FUBP3: variants seen among roughly 807,000 people sequenced by gnomAD.
FUBP3 encodes the protein far upstream element-binding protein 3.
A neutral mutation model predicts 85.6 loss-of-function variants in FUBP3; 28 were observed. That is an observed-to-expected ratio of 0.33 (90% CI 0.24 to 0.45). The LOEUF is 0.45. FUBP3 is among the 20% of genes least tolerant of loss of function. The pLI, the probability that FUBP3 is intolerant of heterozygous loss-of-function variation, is 1.00. For missense variants in FUBP3, 583 were observed against 755.1 expected, an observed-to-expected ratio of 0.77 and a Z score of 2.67; for synonymous variants, 271 against 271.4, an observed-to-expected ratio of 1.00 and a Z score of 0.01.
chr9:130,632,163 GC>G, intron 15 of FUBP3, 38 bp from the exon 16 acceptor site: 2 of 1,552,330 alleles, frequency 1.3e-6, no homozygotes, highest in East Asian at 2.2e-5. Context: ...GGGGTGACTT[GC>G]CCCCTATAGG....
rs1293070350 is a variant in FUBP3, at chr9:130,637,890, CTA to C, written c.*870_*871del. On this transcript the variant is annotated 3_prime_UTR_variant, in exon 19 of 19. Coordinates refer to ENST00000319725, the MANE Select transcript of FUBP3 (RefSeq NM_003934.2). ...AAACCGTATAAAAATGTAGTTATAA[CTA>C]TTTTTAATTCCAAGGTGTTGTTTGC... 5.2e-5 allele frequency: 8 copies of C among 152,614 alleles called. No individual in the cohort carries two copies. The highest frequency in any genetic ancestry group is 1.9e-4 in the African/African-American group (8 of 41,514). The allele number at this position is 152,614 out of a possible 1,614,324, so 9.5% of individuals were successfully genotyped here. A position where few individuals can be genotyped will look rare whatever the true frequency, so the allele number is the denominator to read the frequency against.
intron 2 of FUBP3, among the ~76,000 whole-genome samples, chr9:130,596,214 C>G (rs191356803): frequency 2.6e-5 from 4 of 152,292 alleles, no homozygotes; most frequent in Non-Finnish European, 5.9e-5. Context: ...CTGTAGAGAG[C>G]TTGGACATCT....
At chr9:130,603,084 C>T (rs554921638) in intron 2 of FUBP3, among the ~76,000 whole-genome samples, 3 of 152,182 alleles carry the variant, frequency 2.0e-5, no homozygotes, top group African/African-American at 7.2e-5. Context: ...TGGTAGCTCA[C>T]GCCTGTAATC....
intron 1 of FUBP3, among the ~76,000 whole-genome samples, chr9:130,586,160 T>G (rs1830328574): frequency 6.6e-6 from 1 of 152,042 alleles, no homozygotes; most frequent in South Asian, 2.1e-4. Flanking sequence ...CAGCCTACAT[T>G]TTTATTCTAA....
chr9:130,630,933 C>T (rs1588165893), intron 13 of FUBP3, 145 bp downstream of exon 13: 3 of 673,578 alleles, frequency 4.5e-6, no homozygotes, highest in Non-Finnish European at 6.6e-6. Context: ...CCTGCTTTGC[C>T]GAAGGGGAGG....
In FUBP3 at chr9:130,622,731, G is replaced by A; in HGVS notation, c.795G>A (p.Val265=). 1.3e-6 allele frequency: 2 copies of A among 1,591,388 alleles called. No homozygotes were observed. The highest frequency in any genetic ancestry group is 1.7e-6 in the Non-Finnish European group (2 of 1,162,350). ...SIEVSVPRFA[V]GIVIGRNGEM... ...AGGTATCTGTGCCTAGGTTTGCTGTGGGGATTGTAATAGGAAGAAACGGGG... is the reference window on the plus strand; with the variant it reads ...AGGTATCTGTGCCTAGGTTTGCTGTAGGGATTGTAATAGGAAGAAACGGGG... Residue 265 remains valine, a synonymous_variant, in exon 10 of 19, where the codon GTG becomes GTA. Transcript: ENST00000319725.
In FUBP3 at chr9:130,621,949, T is replaced by C. The variant is rs554385472; in HGVS notation, c.772-759T>C. The stretch of plus-strand genomic sequence containing the variant: ...AGAACGCAGTTCAACCACAGTATTA[T>C]TCCTAAAAGGGAAAAATGTCCTTTA... On this transcript the variant is annotated intron_variant, in intron 9 of 18. Coordinates refer to ENST00000319725, the MANE Select transcript of FUBP3 (RefSeq NM_003934.2). Among the ~76,000 whole-genome samples the C allele has an allele frequency of 8.5e-5, 13 of 152,070 alleles. No individual in the cohort carries two copies. In the South Asian group the frequency reaches 2.7e-3, roughly 32 times the overall value.
In FUBP3 at chr9:130,606,424, C is replaced by T. The variant is rs145117978; in HGVS notation, c.191-3530C>T. Among the ~76,000 whole-genome samples, 1,317 of 152,312 alleles carry T rather than the reference C, an allele frequency of 8.6e-3. 22 individuals carry two copies. Among genetic ancestry groups the T allele is most frequent in the African/African-American group, 0.031 (1,293 of 41,558 alleles). Reference sequence around the variant, plus strand: ...ACAGACTCACTCACCTGCCTCTGGCCAGTGGTTCCGTGTGGGTGCCAGCCC... The same window carrying T: ...ACAGACTCACTCACCTGCCTCTGGCTAGTGGTTCCGTGTGGGTGCCAGCCC... On this transcript the variant is annotated intron_variant, in intron 2 of 18. Transcript: ENST00000319725.
Position 130,616,695 on chromosome 9 carries a change from CTGATGCCAAATA to C in FUBP3, c.567+188_567+199del, listed in dbSNP as rs534156913. On this transcript the variant is annotated intron_variant, in intron 7 of 18. Transcript: ENST00000319725. This position sits in a 1 kb window ranked among gnomAD's most constrained non-coding sequence, Gnocchi z 4.7. ...TTCTGAACATACACCACGGCCACGTCTGATGCCAAATATGATGCCAAGTACTAGGGCAGGTGT... is the reference window on the plus strand; with the variant it reads ...TTCTGAACATACACCACGGCCACGTCTGATGCCAAGTACTAGGGCAGGTGT... Among the ~76,000 whole-genome samples, 1,007 of 152,370 alleles carry C rather than the reference CTGATGCCAAATA, an allele frequency of 6.6e-3. 18 individuals are homozygous for C. The highest frequency in any genetic ancestry group is 0.023 in the African/African-American group (958 of 41,584).
chr9:130,622,913 GT>G (rs1473762557), intron 10 of FUBP3, 103 bp downstream of exon 10: 2 of 525,552 alleles, frequency 3.8e-6, no homozygotes, highest in Non-Finnish European at 6.7e-6. Context: ...TTGGCTATTG[GT>G]TCATGTGTAT....
intron 9 of FUBP3, among the ~76,000 whole-genome samples, chr9:130,622,014 T>C (rs1829771047): frequency 6.6e-6 from 1 of 150,750 alleles, no homozygotes; most frequent in African/African-American, 2.4e-5. Flanking sequence ...AAAAACTAAG[T>C]TGCGTGTTAA....
At chr9:130,592,303 A>C (rs1030808072) in intron 1 of FUBP3, among the ~76,000 whole-genome samples, 2 of 152,170 alleles carry the variant, frequency 1.3e-5, no homozygotes, top group Non-Finnish European at 2.9e-5. Flanking sequence ...GGATAATTTC[A>C]TATAGAGCTT....
At chr9:130,582,655 C>T (rs1830182859) in intron 1 of FUBP3, among the ~76,000 whole-genome samples, 1 of 152,196 alleles carries the variant, frequency 6.6e-6, no homozygotes, top group Non-Finnish European at 1.5e-5. Flanking sequence ...GTCCTCTGCA[C>T]TTCTATACTG....
intron 1 of FUBP3, among the ~76,000 whole-genome samples, chr9:130,588,759 T>C (rs1370570577): frequency 6.6e-6 from 1 of 152,188 alleles, no homozygotes; most frequent in African/African-American, 2.4e-5. Context: ...TTTGTAACAT[T>C]AGGTAGTGGG....
Position 130,613,481 on chromosome 9 carries a change from C to T in FUBP3, c.346+454C>T, listed in dbSNP as rs538086543. On this transcript the variant is annotated intron_variant, in intron 5 of 18. Transcript: ENST00000319725. ...CCTGGCTGAATTAGCACTCACTGAA[C>T]ATGTTTTATGACCTTTCCTAGCTGG... 6.6e-5 allele frequency among the ~76,000 whole-genome samples: 10 copies of T among 152,306 alleles called. No homozygotes were observed. The South Asian group carries it at 1.9e-3, about 28-fold the overall frequency.
At chr9:130,621,125 A>C (rs147976905) in intron 9 of FUBP3, among the ~76,000 whole-genome samples, 1 of 152,320 alleles carries the variant, frequency 6.6e-6, no homozygotes, top group Non-Finnish European at 1.5e-5. Flanking sequence ...CAAGTGGTTA[A>C]ATGATAAATA....
At chr9:130,587,268 T>A (rs866263941) in intron 1 of FUBP3, among the ~76,000 whole-genome samples, 4 of 151,000 alleles carry the variant, frequency 2.6e-5, no homozygotes, top group Non-Finnish European at 4.4e-5. Context: ...TTTCACCATG[T>A]TGGCCATGAT....
intron 14 of FUBP3, 29 bp from the exon 15 acceptor site, chr9:130,631,913 A>G (rs748530820): frequency 1.3e-6 from 2 of 1,523,758 alleles, no homozygotes; most frequent in Non-Finnish European, 9.1e-7. Context: ...TGAGGCGCTC[A>G]GTCTGTTGTT....
intron 2 of FUBP3, among the ~76,000 whole-genome samples, chr9:130,598,928 T>C (rs1830997166): frequency 6.6e-6 from 1 of 152,180 alleles, no homozygotes; most frequent in Non-Finnish European, 1.5e-5. Flanking sequence ...CCCAGGAGGC[T>C]GAGGTGGTGG....
Sources: allele counts gnomAD v4.1 joint callset (sites outside exome capture counted in the v4.1 genomes callset), GRCh38; gene constraint gnomAD v4.1.1; non-coding constraint Gnocchi (gnomAD v3.1); transcripts MANE v1.5; gene names NCBI Gene and HGNC (gene_info 2026-07-23, HGNC 2026-07-21).